The following MPPED2 variants were observed in gnomAD, a reference collection of about 807,000 sequenced individuals.
MPPED2 encodes the protein metallophosphoesterase domain containing 2.
A neutral mutation model predicts 33.0 loss-of-function variants in MPPED2; 5 were observed. That is an observed-to-expected ratio of 0.15 (90% CI 0.08 to 0.32). MPPED2 has a LOEUF of 0.32. Among genes scored for constraint, MPPED2 ranks in the 10% least tolerant of loss-of-function variants. MPPED2 has a pLI of 1.00. For synonymous variants in MPPED2, 136 were observed against 141.9 expected (o/e 0.96, Z 0.29); for missense variants, 275 against 372.1 (o/e 0.74, Z 2.15).
chr11:30,583,058 A>G lies in MPPED2; in HGVS notation c.-121-2564T>C, dbSNP rs894387480. On this transcript the variant is annotated intron_variant, in intron 1 of 6. Transcript: ENST00000358117. ...GAAAAGGCTTATTTTTTAAAATGCT[A>G]TGTTCATCCCCACCCGTATCTCAAA... is the stretch of plus-strand genomic sequence containing the variant. Among the ~76,000 whole-genome samples, 161 of 149,960 alleles carry G rather than the reference A, an allele frequency of 1.1e-3. 1 individual carries two copies. The highest frequency in any genetic ancestry group is 3.8e-3 in the African/African-American group (153 of 40,416).
At chr11:30,569,066 A>G (rs1262598966) in intron 2 of MPPED2, among the ~76,000 whole-genome samples, 1 of 152,180 alleles carries the variant, frequency 6.6e-6, no homozygotes, top group Non-Finnish European at 1.5e-5. Context: ...TGAGCAGTAA[A>G]GGTCCCAGTT....
intron 4 of MPPED2, among the ~76,000 whole-genome samples, chr11:30,432,427 CAGGTTATAGTTT>C (rs534162190): frequency 0.066 from 10,004 of 152,150 alleles, 1,047 homozygotes; most frequent in African/African-American, 0.22. Flanking sequence ...AAAAATAAAG[CAGGTTATAGTTT>C]ACTTCTTTAT....
At chr11:30,522,401 C>T (rs959375130) in intron 3 of MPPED2, among the ~76,000 whole-genome samples, 1 of 151,452 alleles carries the variant, frequency 6.6e-6, no homozygotes, top group East Asian at 1.9e-4. Flanking sequence ...CACACACACA[C>T]ACACACACAC....
At chr11:30,483,872 T>C (rs556656942) in intron 4 of MPPED2, among the ~76,000 whole-genome samples, 1 of 152,238 alleles carries the variant, frequency 6.6e-6, no homozygotes, top group Non-Finnish European at 1.5e-5. Flanking sequence ...ATTCAGTACA[T>C]ATGGTAGCTT....
chr11:30,512,274 T>C (rs2134313612), intron 3 of MPPED2, among the ~76,000 whole-genome samples: 1 of 151,612 alleles, frequency 6.6e-6, no homozygotes, highest in Admixed American at 6.6e-5. Context: ...ATCTTGTTCA[T>C]GTGACCTCAG....
At chr11:30,448,562 T>C (rs1949914275) in intron 4 of MPPED2, among the ~76,000 whole-genome samples, 1 of 152,246 alleles carries the variant, frequency 6.6e-6, no homozygotes, top group Non-Finnish European at 1.5e-5. Context: ...TAAGTCTATT[T>C]TGACCTACAA....
chr11:30,549,805 G>C (rs1443936595), intron 2 of MPPED2, among the ~76,000 whole-genome samples: 1 of 152,084 alleles, frequency 6.6e-6, no homozygotes, highest in African/African-American at 2.4e-5. Flanking sequence ...TGCCGCCATC[G>C]ATAAAGGCTG....
At chr11:30,579,276 G>A (rs1415372753) in intron 2 of MPPED2, among the ~76,000 whole-genome samples, 1 of 151,976 alleles carries the variant, frequency 6.6e-6, no homozygotes, top group Non-Finnish European at 1.5e-5. Flanking sequence ...TTGTGACTTG[G>A]ACATGCCCCG....
At chr11:30,532,206 T>C (rs1327750340) in intron 3 of MPPED2, among the ~76,000 whole-genome samples, 1 of 152,190 alleles carries the variant, frequency 6.6e-6, no homozygotes, top group Non-Finnish European at 1.5e-5. Context: ...TCCTGCCCCA[T>C]CCAAATTCTA....
intron 1 of MPPED2, among the ~76,000 whole-genome samples, chr11:30,581,466 T>A (rs1351862070): frequency 1.3e-5 from 2 of 152,162 alleles, no homozygotes; most frequent in Non-Finnish European, 2.9e-5. Flanking sequence ...AATTGATCAG[T>A]GCGGTAGAGA....
intron 3 of MPPED2, among the ~76,000 whole-genome samples, chr11:30,506,508 G>A (rs946927892): frequency 6.6e-6 from 1 of 152,166 alleles, no homozygotes; most frequent in East Asian, 1.9e-4. Context: ...AGAATGATAT[G>A]TTTATTTTTC....
At chr11:30,514,603 T>A (rs1953420093) in intron 3 of MPPED2, among the ~76,000 whole-genome samples, 1 of 152,192 alleles carries the variant, frequency 6.6e-6, no homozygotes, top group African/African-American at 2.4e-5. Context: ...GTTTACATGT[T>A]CATAAATTCA....
In MPPED2 at chr11:30,440,287, G is replaced by A. The variant is rs189584736; in HGVS notation, c.537-22654C>T. 4.9e-4 allele frequency among the ~76,000 whole-genome samples: 73 copies of A among 150,346 alleles called. No individual in the cohort carries two copies. The East Asian group carries it at 0.01, about 21-fold the overall frequency. On this transcript the variant is annotated intron_variant, in intron 4 of 6. Coordinates refer to ENST00000358117, the MANE Select transcript of MPPED2 (RefSeq NM_001584.3). ...GGAGGTTGCAGTGAGCCGAGGTCGC[G>A]CCACTGCACTCCAGCCTGGGTGACA...
chr11:30,549,076 G>C (rs1955579008), intron 2 of MPPED2, among the ~76,000 whole-genome samples: 1 of 152,104 alleles, frequency 6.6e-6, no homozygotes, highest in South Asian at 2.1e-4. Context: ...TGAGTTCAAA[G>C]TACAAACCAC....
At chr11:30,403,018 G>C (rs1947931406) in intron 6 of MPPED2, among the ~76,000 whole-genome samples, 1 of 152,190 alleles carries the variant, frequency 6.6e-6, no homozygotes, top group African/African-American at 2.4e-5. Context: ...GGCCGAGGCA[G>C]GCAGATCACA....
At chr11:30,580,873 C>T (rs1957135431) in intron 1 of MPPED2, among the ~76,000 whole-genome samples, 1 of 152,180 alleles carries the variant, frequency 6.6e-6, no homozygotes, top group African/African-American at 2.4e-5. Context: ...AATGTTTGGT[C>T]TTTACAAAGT....
intron 2 of MPPED2, among the ~76,000 whole-genome samples, chr11:30,556,468 A>G (rs898129786): frequency 1.3e-4 from 20 of 152,218 alleles, no homozygotes; most frequent in African/African-American, 2.9e-4. Context: ...CTTCTTCATG[A>G]CTTCAATTCC....
At chr11:30,528,296 C>G (rs1565155587) in intron 3 of MPPED2, among the ~76,000 whole-genome samples, 1 of 152,096 alleles carries the variant, frequency 6.6e-6, no homozygotes, top group Non-Finnish European at 1.5e-5. Flanking sequence ...CGCTCTGTTG[C>G]CCAGGCTAGA....
chr11:30,554,416 T>A (rs1489182517), intron 2 of MPPED2, among the ~76,000 whole-genome samples: 1 of 152,148 alleles, frequency 6.6e-6, no homozygotes, highest in Non-Finnish European at 1.5e-5. Context: ...CCTTGAAGGG[T>A]AGTCTCCTGT....
Sources: allele counts gnomAD v4.1 joint callset (sites outside exome capture counted in the v4.1 genomes callset), GRCh38; gene constraint gnomAD v4.1.1; transcripts MANE v1.5; gene names NCBI Gene and HGNC (gene_info 2026-07-23, HGNC 2026-07-21).